The following SGCZ variants were observed in gnomAD, a reference collection of about 807,000 sequenced individuals.
SGCZ encodes sarcoglycan zeta.
In SGCZ, 40 loss-of-function variants were observed where a neutral mutation model predicts 41.3. The observed-to-expected ratio is 0.97, with a 90% confidence interval of 0.75 to 1.26. The LOEUF (loss-of-function observed/expected upper bound fraction) is 1.26. Among genes scored for constraint, SGCZ ranks in the 50% most tolerant of loss-of-function variants. The probability of loss-of-function intolerance (pLI) is 0.00; values close to 1 mark genes in which losing one functional copy is unlikely to be tolerated. For missense variants in SGCZ, 552 were observed against 369.8 expected (o/e 1.49, Z -4.04); for synonymous variants, 206 against 137.5 (o/e 1.50, Z -3.49).
At chr8:14,309,551 C>T (rs992674727) in intron 3 of SGCZ, 1 of 1,610,390 alleles carries the variant, frequency 6.2e-7, no homozygotes, top group African/African-American at 1.3e-5. Flanking sequence ...AGCTGTTACA[C>T]ATACAGGGAC....
intron 4 of SGCZ, among the ~76,000 whole-genome samples, chr8:14,170,068 T>TG (rs1326405853): frequency 6.6e-6 from 1 of 151,898 alleles, no homozygotes; most frequent in Non-Finnish European, 1.5e-5. Flanking sequence ...TTTTTTTTTT[T>TG]TTTACTTTTC....
intron 3 of SGCZ, among the ~76,000 whole-genome samples, chr8:14,310,671 A>G (rs1820528): frequency 0.36 from 55,338 of 152,010 alleles, 10,521 homozygotes; most frequent in Non-Finnish European, 0.43. Flanking sequence ...AAATGTGTAC[A>G]GTGAATTGTC....
At position 14,746,146 on chromosome 8, in the gene SGCZ, C is replaced by A. The variant is rs570438243; in HGVS notation, c.40-191220G>T. On this transcript the variant is annotated intron_variant, in intron 1 of 7. Transcript: ENST00000382080. ...TTGTACAGCATCCAACCCACAAGGTCATTAGCATAATAGATATTAAATATA... is the reference window on the plus strand; with the variant it reads ...TTGTACAGCATCCAACCCACAAGGTAATTAGCATAATAGATATTAAATATA... Among the ~76,000 whole-genome samples, 6 of 152,050 alleles carry A rather than the reference C, an allele frequency of 3.9e-5. No individual in the cohort carries two copies. In the South Asian group the frequency reaches 1.0e-3, roughly 26 times the overall value.
chr8:14,147,770 G>T (rs1472087874), intron 5 of SGCZ, among the ~76,000 whole-genome samples: 2 of 152,050 alleles, frequency 1.3e-5, no homozygotes, highest in Admixed American at 6.6e-5. Context: ...CTTTTCCTCA[G>T]CATGTGGATC....
chr8:14,815,637 T>G (rs530474815), intron 1 of SGCZ, among the ~76,000 whole-genome samples: 1 of 152,202 alleles, frequency 6.6e-6, no homozygotes, highest in Non-Finnish European at 1.5e-5. Flanking sequence ...GCAGTACCTA[T>G]TCCTGTTCAA....
At chr8:14,343,772 G>T (rs1023177072) in intron 2 of SGCZ, among the ~76,000 whole-genome samples, 2 of 152,008 alleles carry the variant, frequency 1.3e-5, no homozygotes, top group Non-Finnish European at 2.9e-5. Context: ...TGAGCAGAGG[G>T]TAAATCCTCT....
At chr8:14,813,812 G>A (rs1801808974) in intron 1 of SGCZ, among the ~76,000 whole-genome samples, 1 of 152,196 alleles carries the variant, frequency 6.6e-6, no homozygotes, top group Admixed American at 6.5e-5. Context: ...AATTAGCCAG[G>A]CATGGGGGTG....
At chr8:14,991,748 A>G (rs1242904130) in intron 1 of SGCZ, among the ~76,000 whole-genome samples, 2 of 150,652 alleles carry the variant, frequency 1.3e-5, no homozygotes, top group African/African-American at 4.9e-5. Flanking sequence ...CCTCTCACCC[A>G]TCCTCCTCAT....
intron 1 of SGCZ, among the ~76,000 whole-genome samples, chr8:14,796,968 A>C (rs923529364): frequency 1.3e-5 from 2 of 152,154 alleles, no homozygotes; most frequent in Non-Finnish European, 2.9e-5. Flanking sequence ...AAGTTTCCTG[A>C]TGCCTCCCCA....
intron 5 of SGCZ, among the ~76,000 whole-genome samples, chr8:14,146,860 A>T: frequency 7.0e-6 from 1 of 143,346 alleles, no homozygotes. Flanking sequence ...CGACAGAGCG[A>T]GACTCCGTCT....
At chr8:14,478,529 G>T (rs1801427929) in intron 2 of SGCZ, among the ~76,000 whole-genome samples, 2 of 152,138 alleles carry the variant, frequency 1.3e-5, no homozygotes, top group Non-Finnish European at 2.9e-5. Context: ...AGGTGTTATG[G>T]GGGACAGAGG....
chr8:14,358,259 T>C (rs938508501), intron 2 of SGCZ, among the ~76,000 whole-genome samples: 9 of 152,340 alleles, frequency 5.9e-5, no homozygotes, highest in African/African-American at 1.9e-4. Context: ...AATTATAATA[T>C]TTTTAGATTG....
intron 1 of SGCZ, among the ~76,000 whole-genome samples, chr8:14,724,455 T>C (rs183174363): frequency 5.3e-4 from 81 of 152,000 alleles, no homozygotes; most frequent in African/African-American, 1.9e-3. Context: ...TATTGTATTA[T>C]TATATTAACT....
intron 4 of SGCZ, among the ~76,000 whole-genome samples, chr8:14,218,516 C>T (rs1374202093): frequency 6.6e-6 from 1 of 152,144 alleles, no homozygotes; most frequent in African/African-American, 2.4e-5. Flanking sequence ...TGCTTAATAT[C>T]AGGTTGATGC....
At chr8:15,170,724 G>A (rs1007785593) in intron 1 of SGCZ, among the ~76,000 whole-genome samples, 1 of 152,132 alleles carries the variant, frequency 6.6e-6, no homozygotes, top group Non-Finnish European at 1.5e-5. Flanking sequence ...ACTATGCAGT[G>A]TTTTAGTATC....
intron 2 of SGCZ, among the ~76,000 whole-genome samples, chr8:14,456,314 G>A (rs151001286): frequency 0.029 from 4,413 of 152,078 alleles, 200 homozygotes; most frequent in African/African-American, 0.099. Flanking sequence ...GGGCTGAGGC[G>A]GGAGAATCAC....
At chr8:14,371,949 G>A (rs1803927116) in intron 2 of SGCZ, among the ~76,000 whole-genome samples, 1 of 152,016 alleles carries the variant, frequency 6.6e-6, no homozygotes, top group African/African-American at 2.4e-5. Context: ...AATATGGGCT[G>A]ACATAAACTG....
chr8:14,607,496 C>G (rs948479417), intron 1 of SGCZ, among the ~76,000 whole-genome samples: 1 of 152,136 alleles, frequency 6.6e-6, no homozygotes, highest in Non-Finnish European at 1.5e-5. Context: ...GACATCATTT[C>G]CCTTCCAATA....
chr8:14,272,206 G>C (rs1444816287), intron 3 of SGCZ, among the ~76,000 whole-genome samples: 1 of 152,132 alleles, frequency 6.6e-6, no homozygotes, highest in African/African-American at 2.4e-5. Flanking sequence ...GTTTTACCAT[G>C]TTACCCAGGC....
Sources: gnomAD v4.1 joint callset for allele counts (sites outside exome capture counted in the v4.1 genomes callset) on GRCh38, gnomAD v4.1.1 for gene constraint, MANE v1.5 for transcripts, NCBI Gene and HGNC (gene_info 2026-07-23, HGNC 2026-07-21) for gene names.